The following MTCL1 variants were observed in gnomAD, a reference collection of about 807,000 sequenced individuals.
The protein encoded by MTCL1 is microtubule cross-linking factor 1.
A neutral mutation model predicts 141.4 loss-of-function variants in MTCL1; 79 were observed. That is an observed-to-expected ratio of 0.56 (90% CI 0.47 to 0.67). MTCL1 has a LOEUF of 0.67. Ranked by LOEUF, MTCL1 falls within the 30% of genes least tolerant of loss-of-function variation. MTCL1 has a pLI of 0.00. For synonymous variants in MTCL1, 914 were observed against 875.8 expected, an observed-to-expected ratio of 1.04 and a Z score of -0.77; for missense variants, 2,177 against 2,113.9, an observed-to-expected ratio of 1.03 and a Z score of -0.59.
rs2076464221 is a variant in MTCL1 at position 8,810,982 on chromosome 18, C to G, written c.2605-1997C>G. On this transcript the variant is annotated intron_variant, in intron 11 of 16. Transcript: ENST00000359865. The surrounding 1 kb of genome is among the most constrained non-coding windows in gnomAD (Gnocchi z 5.0). ...TTACAGAGGCGAGATTCGATGTTAG[C>G]TCTCTCCCAGTGAGTCCCTTGTGAG... 1 of 152,144 alleles carries G rather than the reference C, an allele frequency of 6.6e-6. No individual in the cohort carries two copies. The highest frequency in any genetic ancestry group is 2.4e-5 in the African/African-American group (1 of 41,408). 9.4% of individuals were successfully genotyped at this position (152,144 alleles called of 1,614,324 possible).
At chr18:8,710,888 C>CTTTTTTTTTTTTTTTTTTTTTT (rs71356255) in intron 1 of MTCL1, among the ~76,000 whole-genome samples, 6 of 80,932 alleles carry the variant, frequency 7.4e-5, no homozygotes, top group African/African-American at 1.0e-4. Context: ...TTTTTTTTTA[C>CTTTTTTTTTTTTTTTTTTTTTT]TTTTTTTTTT....
intron 4 of MTCL1, among the ~76,000 whole-genome samples, chr18:8,740,687 T>G (rs1397705565): frequency 6.6e-6 from 1 of 152,178 alleles, no homozygotes; most frequent in Admixed American, 6.5e-5. Context: ...TTCACCATGT[T>G]GGCCAGACTG....
At chr18:8,812,825 T>G in intron 11 of MTCL1, 154 bp from the exon 11 acceptor site, 1 of 929,342 alleles carries the variant, frequency 1.1e-6, no homozygotes, top group South Asian at 1.8e-5. Flanking sequence ...CGCTCTTAAT[T>G]AGGACTTTAA....
intron 4 of MTCL1, among the ~76,000 whole-genome samples, chr18:8,734,220 A>G (rs764248709): frequency 8.6e-5 from 13 of 151,664 alleles, no homozygotes; most frequent in African/African-American, 1.7e-4. Context: ...CCCCTCCCCA[A>G]TTTGTGGCAA....
In MTCL1 at chr18:8,743,528, G is replaced by T. The variant is rs552180586; in HGVS notation, c.357+23032G>T. Among the ~76,000 whole-genome samples the T allele has an allele frequency of 6.5e-4, 99 of 152,358 alleles. 1 individual carries two copies. In the South Asian group the frequency reaches 0.02, roughly 31 times the overall value. ...GTCTGAAGTGGGCCTGCACTAAAAT[G>T]AAGTTTTCTGCAAGACTGTGTTCCT... On this transcript the variant is annotated intron_variant, in intron 4 of 16. Transcript: ENST00000359865.
chr18:8,806,733 G>A (rs1251443818), intron 10 of MTCL1, among the ~76,000 whole-genome samples, 160 bp from the exon 10 acceptor site: 1 of 152,060 alleles, frequency 6.6e-6, no homozygotes, highest in African/African-American at 2.4e-5. Context: ...CCCTTTCTTT[G>A]CTCCCCGGCT....
At chr18:8,826,228 T>C (rs1466007731) in exon 15 of MTCL1, 10 of 1,591,242 alleles carry the variant, frequency 6.3e-6, no homozygotes, top group Non-Finnish European at 8.6e-6. Context: ...CCAGGGCCCA[T>C]GGAGGTAATG....
Position 8,746,376 on chromosome 18 carries a change from TCCACATCCTTG to T in MTCL1, c.357+25884_357+25894del, listed in dbSNP as rs141403327. 1.4e-3 allele frequency among the ~76,000 whole-genome samples: 212 copies of T among 152,312 alleles called. 2 individuals are homozygous for T. The highest frequency in any genetic ancestry group is 4.8e-3 in the African/African-American group (198 of 41,544). ...AGCAATGCACAAGGCTTCCAATTTC[TCCACATCCTTG>T]CCAACTCTGGTTATTTTTTGTTCGG... On this transcript the variant is annotated intron_variant, in intron 4 of 16. Transcript: ENST00000359865.
At chr18:8,783,850 G>A (rs2096541021) in exon 6 of MTCL1, 1 of 1,612,944 alleles carries the variant, frequency 6.2e-7, no homozygotes, top group African/African-American at 1.3e-5. Flanking sequence ...GGGGCCAGCA[G>A]GAGCGGGAGG....
intron 4 of MTCL1, among the ~76,000 whole-genome samples, chr18:8,776,494 A>G (rs1431580956): frequency 6.6e-6 from 1 of 152,136 alleles, no homozygotes; most frequent in Non-Finnish European, 1.5e-5. Flanking sequence ...TTTCTTGTCT[A>G]TAATGTAAAA....
rs540302643 is a variant in MTCL1, at chr18:8,773,877, T to C, written c.358-3956T>C. Among the ~76,000 whole-genome samples the C allele has an allele frequency of 4.6e-5, 7 of 152,354 alleles. No individual in the cohort carries two copies. In the South Asian group the frequency reaches 1.5e-3, roughly 32 times the overall value. On this transcript the variant is annotated intron_variant, in intron 4 of 16. Transcript: ENST00000359865. ...CCTTCTATTTAGTTTCATTAATCTG[T>C]CTATCTTATACCAGCACCGAACCAT... is the stretch of plus-strand genomic sequence containing the variant.
At chr18:8,806,790 G>GGGT in intron 10 of MTCL1, 103 bp from the exon 10 acceptor site, 1 of 1,236,306 alleles carries the variant, frequency 8.1e-7, no homozygotes, top group South Asian at 1.4e-5. Context: ...AACAACACCT[G>GGGT]GGAAACAGCC....
intron 4 of MTCL1, among the ~76,000 whole-genome samples, chr18:8,774,443 GTCTTTCTTTCTTT>G (rs948552139): frequency 2.8e-5 from 4 of 142,786 alleles, no homozygotes; most frequent in South Asian, 2.4e-4. Context: ...CAAATTTCTG[GTCTTTCTTTCTTT>G]TCTTTCTTTT....
At chr18:8,829,792 A>G (rs1422665603) in intron 16 of MTCL1, 10 of 985,244 alleles carry the variant, frequency 1.0e-5, no homozygotes, top group Middle Eastern at 5.2e-4. Flanking sequence ...ACACCATGCC[A>G]TGCAGCGACC....
At chr18:8,725,794 T>C (rs2096205660) in intron 4 of MTCL1, among the ~76,000 whole-genome samples, 1 of 60,532 alleles carries the variant, frequency 1.7e-5, no homozygotes, top group Non-Finnish European at 3.3e-5. Flanking sequence ...TTTTTTCTTT[T>C]TTTTTTTTTT....
intron 12 of MTCL1, among the ~76,000 whole-genome samples, chr18:8,817,252 C>CTTTTTTTTTTTTTTTTTTTTTTTTTTT (rs35022661): frequency 8.5e-6 from 1 of 118,260 alleles, no homozygotes; most frequent in Non-Finnish European, 1.7e-5. Context: ...AAAGCCTTCC[C>CTTTTTTTTTTTTTTTTTTTTTTTTTTT]TTTTTTTTTT....
chr18:8,738,003 T>C (rs568843301), intron 4 of MTCL1, among the ~76,000 whole-genome samples: 1 of 152,342 alleles, frequency 6.6e-6, no homozygotes, highest in East Asian at 1.9e-4. Flanking sequence ...TTCTGATTTC[T>C]CCTTCAATAG....
At position 8,743,795 on chromosome 18, in the gene MTCL1, T is replaced by A. The variant is rs72936042; in HGVS notation, c.357+23299T>A. 5.8e-3 allele frequency among the ~76,000 whole-genome samples: 878 copies of A among 152,324 alleles called. 6 individuals carry two copies. The highest frequency in any genetic ancestry group is 9.2e-3 in the Non-Finnish European group (629 of 68,034). On this transcript the variant is annotated intron_variant, in intron 4 of 16. Coordinates refer to ENST00000359865, the Ensembl canonical transcript of MTCL1. Reference sequence around the variant, plus strand: ...TCTCCCTATTTCAAGGTCAGCTGATTAGCAACCTCTACTCCCTTTGCCGTG... The same window carrying A: ...TCTCCCTATTTCAAGGTCAGCTGATAAGCAACCTCTACTCCCTTTGCCGTG...
chr18:8,798,134 T>G, exon 10 of MTCL1: 1 of 1,592,514 alleles, frequency 6.3e-7, no homozygotes, highest in East Asian at 2.3e-5. Context: ...CTCGGGGAGC[T>G]TGGAGTCCAG....
Sources: gnomAD v4.1 joint callset for allele counts (sites outside exome capture counted in the v4.1 genomes callset) on GRCh38, gnomAD v4.1.1 for gene constraint, Gnocchi (gnomAD v3.1) non-coding constraint, MANE v1.5 for transcripts, NCBI Gene and HGNC (gene_info 2026-07-23, HGNC 2026-07-21) for gene names.